Variants in ITPR1 observed in about 807,000 individuals in gnomAD.
The protein encoded by ITPR1 is inositol 1,4,5-trisphosphate-gated calcium channel ITPR1.
ITPR1 carries 96 observed loss-of-function variants against 318.4 expected under a neutral mutation model. The ratio of observed to expected loss-of-function variants is 0.30; its 90% CI spans 0.26 to 0.36. The LOEUF is 0.36. Ranked by LOEUF, ITPR1 falls within the 10% of genes least tolerant of loss-of-function variation. ITPR1 has a pLI of 1.00. For missense variants in ITPR1, 2,440 were observed against 3,460.2 expected (o/e 0.71, Z 7.40); for synonymous variants, 1,312 against 1,289.9 (o/e 1.02, Z -0.37).
chr3:4,833,476 G>A (rs1476349744), intron 60 of ITPR1, among the ~76,000 whole-genome samples: 1 of 152,214 alleles, frequency 6.6e-6, no homozygotes, highest in Admixed American at 6.5e-5. Flanking sequence ...AGATGGATTC[G>A]CTAACATTTT....
intron 33 of ITPR1, among the ~76,000 whole-genome samples, chr3:4,695,653 TTTGTG>T (rs2094545812): frequency 5.9e-5 from 9 of 152,344 alleles, no homozygotes; most frequent in South Asian, 4.1e-4. Context: ...ATAGTTTAGT[TTTGTG>T]AGGTTTTGGA....
chr3:4,746,337 C>G (rs974156700), intron 44 of ITPR1, among the ~76,000 whole-genome samples: 1 of 152,202 alleles, frequency 6.6e-6, no homozygotes, highest in African/African-American at 2.4e-5. Flanking sequence ...CAGTGCCTCA[C>G]GTGGTCTGGC....
chr3:4,798,304 C>T (rs1162288472), intron 53 of ITPR1, among the ~76,000 whole-genome samples: 2 of 152,226 alleles, frequency 1.3e-5, no homozygotes, highest in Non-Finnish European at 2.9e-5. Context: ...TTTGATCAGA[C>T]ACTTCACAGA....
In ITPR1 at chr3:4,741,965, G is replaced by A. The variant is rs921753482; in HGVS notation, c.5544+6611G>A. On this transcript the variant is annotated intron_variant, in intron 44 of 61. Transcript: ENST00000649015. Reference sequence around the variant, plus strand: ...GCTCTCCTCCTGCACGTGGGGGTTCGAGAGCTGTTGGCATTAAAGAAAGAG... The same window carrying A: ...GCTCTCCTCCTGCACGTGGGGGTTCAAGAGCTGTTGGCATTAAAGAAAGAG... 3.3e-4 allele frequency among the ~76,000 whole-genome samples: 50 copies of A among 152,270 alleles called. 1 individual carries two copies. Among genetic ancestry groups the A allele is most frequent in the African/African-American group, 1.1e-3 (45 of 41,554 alleles).
chr3:4,644,706 C>A (rs2093416107), intron 8 of ITPR1, among the ~76,000 whole-genome samples: 1 of 152,194 alleles, frequency 6.6e-6, no homozygotes, highest in Non-Finnish European at 1.5e-5. Context: ...AAGGATGTTA[C>A]TTCCTTGTGA....
chr3:4,582,428 CA>C (rs2089451315), intron 4 of ITPR1, among the ~76,000 whole-genome samples: 2 of 152,104 alleles, frequency 1.3e-5, no homozygotes, highest in Non-Finnish European at 2.9e-5. Flanking sequence ...GACGGATGGT[CA>C]CCTCCTCTTC....
chr3:4,623,187 A>G (rs768743723), intron 4 of ITPR1, among the ~76,000 whole-genome samples: 1 of 152,220 alleles, frequency 6.6e-6, no homozygotes, highest in Non-Finnish European at 1.5e-5. Context: ...AAACTCATCT[A>G]TAAAGCAGTT....
intron 5 of ITPR1, among the ~76,000 whole-genome samples, chr3:4,635,770 G>A (rs143328087): frequency 6.6e-6 from 1 of 152,294 alleles, no homozygotes; most frequent in Non-Finnish European, 1.5e-5. Flanking sequence ...TGTAGTGTTT[G>A]TACCTTGTTA....
intron 2 of ITPR1, among the ~76,000 whole-genome samples, chr3:4,507,205 A>G (rs1370698534): frequency 6.6e-6 from 1 of 151,408 alleles, no homozygotes; most frequent in African/African-American, 2.4e-5. Flanking sequence ...TTGTTACATC[A>G]TGTGCCTTGC....
intron 4 of ITPR1, among the ~76,000 whole-genome samples, chr3:4,581,049 C>T (rs2125051308): frequency 1.3e-5 from 2 of 152,342 alleles, no homozygotes; most frequent in Non-Finnish European, 2.9e-5. Flanking sequence ...CCCGACTCCT[C>T]CACATACCAA....
chr3:4,618,269 G>A (rs571273278), intron 4 of ITPR1, among the ~76,000 whole-genome samples: 9 of 152,208 alleles, frequency 5.9e-5, no homozygotes, highest in African/African-American at 1.9e-4. Flanking sequence ...GACACCTCAC[G>A]CCTTCTCACT....
rs1334506903 is a variant in ITPR1 at position 4,642,095 on chromosome 3, C to T, written c.369C>T (p.Leu123=). 4.4e-6 allele frequency: 7 copies of T among 1,577,716 alleles called. No individual in the cohort carries two copies. The highest frequency in any genetic ancestry group is 6.0e-6 in the Non-Finnish European group (7 of 1,163,972). The change falls in exon 7 of 62, where the codon CTC becomes CTT. Residue 123 remains leucine (L), a splice_region_variant and synonymous_variant. Coordinates refer to ENST00000649015, the MANE Select transcript of ITPR1 (RefSeq NM_001378452.1). The part of the protein sequence containing the change: ...TVIQYGNVIQ[L]LHLKSNKYLT... ...TTATTCTCTTGGTGGGTTTTTAGCT[C>T]CTGCATTTGAAAAGTAATAAATACC...
intron 60 of ITPR1, among the ~76,000 whole-genome samples, chr3:4,832,752 ATTTC>A (rs2050608044): frequency 6.6e-6 from 1 of 152,214 alleles, no homozygotes; most frequent in African/African-American, 2.4e-5. Flanking sequence ...AAGATGCATT[ATTTC>A]TTTTTATGGC....
Position 4,846,278 on chromosome 3 carries a change from G to T in ITPR1, c.*53G>T. On this transcript the variant is annotated 3_prime_UTR_variant, in exon 62 of 62. Coordinates refer to ENST00000649015, the MANE Select transcript of ITPR1 (RefSeq NM_001378452.1). ...CCTTTTATAATTATTATTAGTGTGG[G>T]TATGGCTAATGAGTTCTGATTCACC... 1 of 1,244,774 alleles carries T rather than the reference G, an allele frequency of 8.0e-7. No homozygotes were observed. Among genetic ancestry groups the T allele is most frequent in the Non-Finnish European group, 1.1e-6 (1 of 872,428 alleles). 77.1% of individuals were successfully genotyped at this position (1,244,774 alleles called of 1,614,324 possible).
intron 4 of ITPR1, among the ~76,000 whole-genome samples, chr3:4,608,635 A>AGC (rs2091863901): frequency 6.6e-6 from 1 of 152,046 alleles, no homozygotes; most frequent in African/African-American, 2.4e-5. Context: ...AATGTGTAGA[A>AGC]GCCAGGGATG....
At chr3:4,741,308 AT>A (rs2043686015) in intron 44 of ITPR1, among the ~76,000 whole-genome samples, 1 of 152,224 alleles carries the variant, frequency 6.6e-6, no homozygotes, top group East Asian at 1.9e-4. Flanking sequence ...ATAGTTAAAC[AT>A]TTTTTTGGAC....
chr3:4,789,450 C>T (rs1224588077), intron 52 of ITPR1, among the ~76,000 whole-genome samples: 2 of 152,136 alleles, frequency 1.3e-5, no homozygotes, highest in African/African-American at 2.4e-5. Flanking sequence ...AAAAAGATAC[C>T]CTGTACTCCA....
At chr3:4,722,748 G>GAAATGTTTTATGT (rs56379217) in intron 40 of ITPR1, among the ~76,000 whole-genome samples, 53,831 of 152,052 alleles carry the variant, frequency 0.35, 10,495 homozygotes, top group Non-Finnish European at 0.46. Context: ...TCCATGCCTG[G>GAAATGTTTTATGT]CCCATGGGTT....
chr3:4,786,348 T>C (rs2047196645), intron 51 of ITPR1, among the ~76,000 whole-genome samples: 1 of 152,162 alleles, frequency 6.6e-6, no homozygotes, highest in Non-Finnish European at 1.5e-5. Context: ...ACTAACCTGA[T>C]CTCCACATGG....
Sources: allele counts gnomAD v4.1 joint callset (sites outside exome capture counted in the v4.1 genomes callset), GRCh38; gene constraint gnomAD v4.1.1; transcripts MANE v1.5; gene names NCBI Gene and HGNC (gene_info 2026-07-23, HGNC 2026-07-21).